STARD13: variants seen among roughly 807,000 people sequenced by gnomAD.
STARD13 encodes the protein stAR-related lipid transfer protein 13.
In STARD13, 62 loss-of-function variants were observed where a neutral mutation model predicts 106.4. That is an observed-to-expected ratio of 0.58 (90% CI 0.48 to 0.72). STARD13 has a LOEUF of 0.72. Among genes scored for constraint, STARD13 ranks in the 30% least tolerant of loss-of-function variants. The probability of loss-of-function intolerance (pLI) is 0.00; values close to 1 mark genes in which losing one functional copy is unlikely to be tolerated. For missense variants in STARD13, 1,387 were observed against 1,424.0 expected (o/e 0.97, Z 0.42); for synonymous variants, 565 against 553.0 (o/e 1.02, Z -0.31).
chr13:33,329,950 C>T (rs2077818431), intron 1 of STARD13, among the ~76,000 whole-genome samples: 2 of 152,130 alleles, frequency 1.3e-5, no homozygotes, highest in Non-Finnish European at 2.9e-5. Flanking sequence ...GTGATCCGCC[C>T]CCATCAGCCT....
chr13:33,532,083 A>T, the STARD13 span, among the ~76,000 whole-genome samples: 1 of 152,232 alleles, frequency 6.6e-6, no homozygotes, highest in South Asian at 2.1e-4. Flanking sequence ...ATTGCAGCTC[A>T]GCACAGTCTA....
chr13:33,626,767 T>C, the STARD13 span, among the ~76,000 whole-genome samples: 1 of 152,108 alleles, frequency 6.6e-6, no homozygotes, highest in African/African-American at 2.4e-5. Flanking sequence ...TAAGAAAGAG[T>C]ATGAATTAAT....
At chr13:33,507,194 A>C in the STARD13 span, among the ~76,000 whole-genome samples, 5 of 152,224 alleles carry the variant, frequency 3.3e-5, no homozygotes, top group Admixed American at 1.3e-4. Context: ...TATGAACTAA[A>C]GCAGAAGCAG....
chr13:33,164,766 A>G (rs942425757), intron 3 of STARD13, among the ~76,000 whole-genome samples: 1 of 152,212 alleles, frequency 6.6e-6, no homozygotes, highest in African/African-American at 2.4e-5. Context: ...CCATATATAC[A>G]TCTTTGTCTC....
In STARD13 at chr13:33,296,042, G is replaced by A. The variant is rs530614707; in HGVS notation, c.124+54248C>T. On this transcript the variant is annotated intron_variant, in intron 1 of 5. Transcript: ENST00000567873. ...TCAAGACCAGCCTGGCCAACATGGCGAAACCTCGTCTCTACTTAAAAAAAA... is the reference window on the plus strand; with the variant it reads ...TCAAGACCAGCCTGGCCAACATGGCAAAACCTCGTCTCTACTTAAAAAAAA... Among the ~76,000 whole-genome samples, 94 of 151,670 alleles carry A rather than the reference G, an allele frequency of 6.2e-4. 1 individual carries two copies. The highest frequency in any genetic ancestry group is 3.4e-3 in the Middle Eastern group (1 of 294).
chr13:33,570,511 T>C, the STARD13 span, among the ~76,000 whole-genome samples: 2 of 148,342 alleles, frequency 1.3e-5, no homozygotes, highest in Non-Finnish European at 3.0e-5. Flanking sequence ...GAAATCATCA[T>C]TGGAACATTT....
chr13:33,158,993 A>T (rs1469587213), intron 3 of STARD13, among the ~76,000 whole-genome samples: 1 of 152,162 alleles, frequency 6.6e-6, no homozygotes, highest in African/African-American at 2.4e-5. Flanking sequence ...ACCTCCAGCC[A>T]AATGTTTTTC....
intron 7 of STARD13, among the ~76,000 whole-genome samples, chr13:33,118,901 G>A (rs1422572607): frequency 6.6e-6 from 1 of 152,096 alleles, no homozygotes; most frequent in Non-Finnish European, 1.5e-5. Context: ...TTTTCTACCT[G>A]TTTGTTTTTA....
intron 1 of STARD13, among the ~76,000 whole-genome samples, chr13:33,302,916 G>C (rs1031772414): frequency 6.6e-6 from 1 of 152,122 alleles, no homozygotes; most frequent in African/African-American, 2.4e-5. Context: ...TTCCCCCACT[G>C]GTAAAAGGAC....
chr13:33,223,989 T>C (rs1000802088), intron 1 of STARD13, among the ~76,000 whole-genome samples: 1 of 152,166 alleles, frequency 6.6e-6, no homozygotes, highest in Admixed American at 6.5e-5. Flanking sequence ...ATGGCCACAG[T>C]TGATTACAGT....
chr13:33,235,133 G>C (rs1402105625), intron 1 of STARD13, among the ~76,000 whole-genome samples: 1 of 152,174 alleles, frequency 6.6e-6, no homozygotes, highest in Admixed American at 6.5e-5. Context: ...GCACTCTGGG[G>C]CACTGTAGCA....
At chr13:33,171,332 C>T (rs1198745538) in intron 1 of STARD13, among the ~76,000 whole-genome samples, 1 of 152,186 alleles carries the variant, frequency 6.6e-6, no homozygotes. Flanking sequence ...CAGAAGGGCC[C>T]ACCAATCTCT....
intron 1 of STARD13, among the ~76,000 whole-genome samples, chr13:33,262,662 A>ACACACAAC (rs5802678): frequency 0.011 from 1,299 of 114,972 alleles, 29 homozygotes; most frequent in African/African-American, 0.04. Context: ...ACACACACAC[A>ACACACAAC]ACACACACAC....
intron 13 of STARD13, among the ~76,000 whole-genome samples, 187 bp downstream of exon 13, chr13:33,106,571 T>C (rs1180313860): frequency 6.6e-6 from 1 of 151,754 alleles, no homozygotes; most frequent in Admixed American, 6.6e-5. Flanking sequence ...GCAGGAGAAA[T>C]GTCAGAATTT....
the STARD13 span, among the ~76,000 whole-genome samples, chr13:33,615,834 G>T: frequency 6.6e-6 from 1 of 152,210 alleles, no homozygotes; most frequent in Non-Finnish European, 1.5e-5. Flanking sequence ...ATAACTATGT[G>T]GGAAAATAAA....
At chr13:33,537,911 T>A in the STARD13 span, among the ~76,000 whole-genome samples, 4 of 152,024 alleles carry the variant, frequency 2.6e-5, no homozygotes, top group Non-Finnish European at 5.9e-5. Flanking sequence ...TCAGGCCAAC[T>A]CTAAAGAGAA....
intron 1 of STARD13, among the ~76,000 whole-genome samples, chr13:33,321,345 A>G (rs564918407): frequency 6.6e-6 from 1 of 152,252 alleles, no homozygotes; most frequent in South Asian, 2.1e-4. Flanking sequence ...GTCTCTACTA[A>G]AAATACAAAA....
chr13:33,311,129 T>TA (rs35391177), intron 1 of STARD13, among the ~76,000 whole-genome samples: 1,962 of 128,384 alleles, frequency 0.015, 25 homozygotes, highest in African/African-American at 0.04. Flanking sequence ...CACCATTTCT[T>TA]AAAAAAAAAA....
chr13:33,602,775 A>G, the STARD13 span, among the ~76,000 whole-genome samples: 2 of 152,250 alleles, frequency 1.3e-5, no homozygotes, highest in South Asian at 2.1e-4. Context: ...AGGAGCATGA[A>G]CCCTGTTGTG....
Sources: gnomAD v4.1 joint callset for allele counts (sites outside exome capture counted in the v4.1 genomes callset) on GRCh38, gnomAD v4.1.1 for gene constraint, MANE v1.5 for transcripts, NCBI Gene and HGNC (gene_info 2026-07-23, HGNC 2026-07-21) for gene names.